Variants in ADGRL2 observed in about 807,000 individuals in gnomAD.
The protein encoded by ADGRL2 is adhesion G protein-coupled receptor L2.
ADGRL2 carries 44 observed loss-of-function variants against 157.4 expected under a neutral mutation model. The observed-to-expected ratio is 0.28, with a 90% CI of 0.22 to 0.36. The LOEUF is 0.36. Among genes scored for constraint, ADGRL2 ranks in the 10% least tolerant of loss-of-function variants. The probability of loss-of-function intolerance (pLI) is 1.00; values close to 1 mark genes in which losing one functional copy is unlikely to be tolerated. For synonymous variants in ADGRL2, 585 were observed against 624.7 expected, an observed-to-expected ratio of 0.94 and a Z score of 0.95; for missense variants, 1,510 against 1,768.9, an observed-to-expected ratio of 0.85 and a Z score of 2.63.
intron 2 of ADGRL2, among the ~76,000 whole-genome samples, chr1:81,783,381 C>T (rs539045899): frequency 2.0e-5 from 3 of 152,154 alleles, no homozygotes; most frequent in South Asian, 2.1e-4. Flanking sequence ...CCACCCATCT[C>T]GGCCTCTCTA....
At chr1:81,433,471 A>C (rs1333561567) in intron 1 of ADGRL2, among the ~76,000 whole-genome samples, 3 of 152,196 alleles carry the variant, frequency 2.0e-5, no homozygotes, top group Non-Finnish European at 2.9e-5. Flanking sequence ...AATGAAGAAC[A>C]TAAAATGTGA....
At chr1:81,595,327 C>T (rs2081210055) in intron 3 of ADGRL2, among the ~76,000 whole-genome samples, 1 of 152,208 alleles carries the variant, frequency 6.6e-6, no homozygotes, top group African/African-American at 2.4e-5. Context: ...ACTGTACCTT[C>T]CCAGTAAACA....
intron 9 of ADGRL2, among the ~76,000 whole-genome samples, chr1:81,952,359 G>A (rs932753928): frequency 1.3e-5 from 2 of 152,098 alleles, no homozygotes; most frequent in Non-Finnish European, 2.9e-5. Flanking sequence ...TTACCTGAGA[G>A]AGATCTTAGT....
intron 2 of ADGRL2, among the ~76,000 whole-genome samples, chr1:81,539,664 A>AAC (rs2079834787): frequency 6.6e-6 from 1 of 152,184 alleles, no homozygotes; most frequent in Non-Finnish European, 1.5e-5. Context: ...TCTAAGACTA[A>AAC]GAAGGCAGAC....
intron 1 of ADGRL2, among the ~76,000 whole-genome samples, chr1:81,390,218 C>G: frequency 6.6e-6 from 1 of 152,304 alleles, no homozygotes; most frequent in Non-Finnish European, 1.5e-5. Context: ...ATTTTATGAG[C>G]ATGCGCAAAG....
chr1:81,802,557 C>T (rs1557669702), intron 1 of ADGRL2, among the ~76,000 whole-genome samples: 1 of 152,134 alleles, frequency 6.6e-6, no homozygotes, highest in Non-Finnish European at 1.5e-5. Context: ...ATGAGGCTCC[C>T]GTAGCCATGC....
chr1:81,440,112 T>C (rs1570972678), intron 1 of ADGRL2, among the ~76,000 whole-genome samples: 1 of 151,988 alleles, frequency 6.6e-6, no homozygotes, highest in Non-Finnish European at 1.5e-5. Context: ...GAAAACCAAT[T>C]AGGAAAGGGT....
intron 1 of ADGRL2, among the ~76,000 whole-genome samples, chr1:81,744,219 G>A (rs970543886): frequency 6.6e-6 from 1 of 152,090 alleles, no homozygotes; most frequent in South Asian, 2.1e-4. Flanking sequence ...ACAATTTCAT[G>A]AGAAATCACT....
intron 3 of ADGRL2, among the ~76,000 whole-genome samples, chr1:81,624,468 C>A (rs1330273390): frequency 1.3e-5 from 2 of 152,010 alleles, no homozygotes; most frequent in Non-Finnish European, 2.9e-5. Flanking sequence ...GTAATCCCAG[C>A]TACCCTCGGA....
At chr1:81,353,312 C>A (rs1437721619) in intron 1 of ADGRL2, among the ~76,000 whole-genome samples, 1 of 152,042 alleles carries the variant, frequency 6.6e-6, no homozygotes, top group Non-Finnish European at 1.5e-5. Flanking sequence ...TATTAGGGAG[C>A]CTCTGAAGAT....
chr1:81,471,707 G>A (rs979614660), intron 2 of ADGRL2, among the ~76,000 whole-genome samples: 2 of 152,112 alleles, frequency 1.3e-5, no homozygotes, highest in African/African-American at 4.8e-5. Flanking sequence ...GAATATAATT[G>A]CCCTGATTGA....
chr1:81,889,135 A>G (rs1199867980), intron 2 of ADGRL2, among the ~76,000 whole-genome samples: 1 of 152,206 alleles, frequency 6.6e-6, no homozygotes, highest in Non-Finnish European at 1.5e-5. Context: ...ACAACGGCCT[A>G]TATATGTTCA....
intron 3 of ADGRL2, among the ~76,000 whole-genome samples, chr1:81,597,781 A>C (rs2081264261): frequency 6.6e-6 from 1 of 152,186 alleles, no homozygotes; most frequent in Non-Finnish European, 1.5e-5. Context: ...ATCTTAAGTC[A>C]AACCACTGTA....
rs781239924 is a variant in ADGRL2 at position 81,950,209 on chromosome 1, A to G, written c.1231A>G (p.Ile411Val). Residue 411 changes from isoleucine to valine, a missense_variant, in exon 7 of 24, where the codon ATA becomes GTA. Coordinates refer to ENST00000686636, the MANE Select transcript of ADGRL2 (RefSeq NM_001366006.2). The stretch of plus-strand genomic sequence containing the variant: ...CATAGTGCCTACCACAGCTGTGACA[A>G]TAACTTCTTCAGCTGAGCTGTTCAA... ...PAQVPTTAVT[I>V]TSSAELFKTI... 3.2e-5 allele frequency: 51 copies of G among 1,613,806 alleles called. No homozygotes were observed. The highest frequency in any genetic ancestry group is 4.2e-5 in the Non-Finnish European group (49 of 1,179,868).
intron 1 of ADGRL2, among the ~76,000 whole-genome samples, chr1:81,747,230 TATAC>T (rs1307628527): frequency 1.4e-5 from 2 of 147,088 alleles, no homozygotes; most frequent in African/African-American, 5.1e-5. Flanking sequence ...TATATGTATA[TATAC>T]ATATATATGT....
chr1:81,564,954 G>T (rs964087109), intron 2 of ADGRL2, among the ~76,000 whole-genome samples: 1 of 152,214 alleles, frequency 6.6e-6, no homozygotes, highest in East Asian at 1.9e-4. Context: ...CACTGCCTGA[G>T]AGAAGCTGTA....
chr1:81,766,276 G>A (rs1001458032), intron 2 of ADGRL2, among the ~76,000 whole-genome samples: 1 of 152,220 alleles, frequency 6.6e-6, no homozygotes. Flanking sequence ...TGCCTTTGAA[G>A]ACAGAATATC....
chr1:81,834,760 G>A (rs2092176735), intron 1 of ADGRL2, among the ~76,000 whole-genome samples: 1 of 151,950 alleles, frequency 6.6e-6, no homozygotes, highest in South Asian at 2.1e-4. Flanking sequence ...TGTAAAAGAA[G>A]CCATGATTTT....
At chr1:81,636,564 T>C (rs2082118816) in intron 3 of ADGRL2, among the ~76,000 whole-genome samples, 2 of 152,082 alleles carry the variant, frequency 1.3e-5, no homozygotes, top group Non-Finnish European at 2.9e-5. Context: ...CCTATTTTTT[T>C]CTAAATTTTT....
Sources: gnomAD v4.1 joint callset for allele counts (sites outside exome capture counted in the v4.1 genomes callset) on GRCh38, gnomAD v4.1.1 for gene constraint, MANE v1.5 for transcripts, NCBI Gene and HGNC (gene_info 2026-07-23, HGNC 2026-07-21) for gene names.